Variants in PIGZ observed in about 807,000 individuals in gnomAD.
PIGZ encodes the protein GPI alpha-1,2-mannosyltransferase 4.
In PIGZ, 16 loss-of-function variants were observed where a neutral mutation model predicts 16.4. The ratio of observed to expected loss-of-function variants is 0.97; its 90% CI spans 0.66 to 1.48. The LOEUF (loss-of-function observed/expected upper bound fraction) is 1.48. Ranked by LOEUF, PIGZ falls within the 40% of genes most tolerant of loss-of-function variation. The probability of loss-of-function intolerance (pLI) is 0.00; values close to 1 mark genes in which losing one functional copy is unlikely to be tolerated. For synonymous variants in PIGZ, 409 were observed against 338.4 expected, an observed-to-expected ratio of 1.21 and a Z score of -2.29; for missense variants, 770 against 739.2, an observed-to-expected ratio of 1.04 and a Z score of -0.48.
intron 1 of PIGZ, among the ~76,000 whole-genome samples, chr3:196,966,075 G>A (rs754620524): frequency 4.6e-5 from 7 of 152,084 alleles, no homozygotes; most frequent in Non-Finnish European, 1.0e-4. Flanking sequence ...AGTAGAATTC[G>A]GTGCTCCAGA....
Position 196,956,382 on chromosome 3 carries a change from G to T in PIGZ, c.1-4351C>A, listed in dbSNP as rs112471191. ...GGCAAAAAGCGAATGAGAAGCAAACGAATGAGAAGCAAGCGAATGAGACGC... is the reference window on the plus strand; with the variant it reads ...GGCAAAAAGCGAATGAGAAGCAAACTAATGAGAAGCAAGCGAATGAGACGC... On this transcript the variant is annotated intron_variant, in intron 1 of 2. Transcript: ENST00000412723. 3.7e-3 allele frequency among the ~76,000 whole-genome samples: 556 copies of T among 152,274 alleles called. 7 individuals carry two copies. The highest frequency in any genetic ancestry group is 0.013 in the African/African-American group (540 of 41,536).
intron 1 of PIGZ, among the ~76,000 whole-genome samples, chr3:196,967,092 G>A (rs531996346): frequency 6.6e-6 from 1 of 151,574 alleles, no homozygotes; most frequent in South Asian, 2.1e-4. Flanking sequence ...CAGCCAAGCA[G>A]AAACCACTGT....
intron 1 of PIGZ, among the ~76,000 whole-genome samples, chr3:196,952,876 C>A (rs1406273922): frequency 6.6e-6 from 1 of 152,048 alleles, no homozygotes; most frequent in Non-Finnish European, 1.5e-5. Flanking sequence ...GGATAGCCAT[C>A]TTCTCCTGCC....
chr3:196,949,734 G>A (rs540181715), intron 2 of PIGZ, among the ~76,000 whole-genome samples: 15 of 152,224 alleles, frequency 9.9e-5, no homozygotes, highest in South Asian at 2.1e-4. Flanking sequence ...GGGCTTCCCC[G>A]GGAGATGAGG....
At chr3:196,956,672 T>C (rs1717502274) in intron 1 of PIGZ, among the ~76,000 whole-genome samples, 1 of 152,252 alleles carries the variant, frequency 6.6e-6, no homozygotes, top group African/African-American at 2.4e-5. Flanking sequence ...CTCTCTTGGC[T>C]ATATGTCGGG....
At chr3:196,966,202 G>A (rs892677178) in intron 1 of PIGZ, among the ~76,000 whole-genome samples, 1 of 152,166 alleles carries the variant, frequency 6.6e-6, no homozygotes, top group Non-Finnish European at 1.5e-5. Flanking sequence ...TAAGACCAGC[G>A]GTGGCATCAG....
chr3:196,951,337 G>A (rs1021343757), intron 2 of PIGZ, among the ~76,000 whole-genome samples: 2 of 152,176 alleles, frequency 1.3e-5, no homozygotes, highest in Non-Finnish European at 2.9e-5. Context: ...TGGGCGAGAC[G>A]GTATGGGCCA....
At position 196,947,734 on chromosome 3, in the gene PIGZ, T is replaced by C. The variant is rs1716969323; in HGVS notation, c.1163A>G (p.Glu388Gly). 3 of 1,612,804 alleles carry C rather than the reference T, an allele frequency of 1.9e-6. No individual in the cohort carries two copies. In the African/African-American group the frequency reaches 4.0e-5, roughly 22 times the overall value. The change falls in exon 3 of 3, where the codon GAG (glutamate) becomes GGG (glycine). Residue 388 changes from glutamate to glycine, a missense_variant. Transcript: ENST00000412723. ...LALLSAFSHQ[E>G]ARFLIPLLVP... ...CAGGAGGGGAATCAGGAACCGAGCC[T>C]CCTGGTGGCTAAAGGCAGATAGCAG...
chr3:196,967,809 C>T lies in PIGZ; in HGVS notation c.-1+878G>A, dbSNP rs543868696. ...AACGCAACACACAACATTAAACACA[C>T]ATAGAGAGTGAAAGAGAACAAGGCA... On this transcript the variant is annotated intron_variant, in intron 1 of 2. Transcript: ENST00000412723. Among the ~76,000 whole-genome samples, 5 of 152,302 alleles carry T rather than the reference C, an allele frequency of 3.3e-5. No individual in the cohort carries two copies. The South Asian group carries it at 1.0e-3, about 32-fold the overall frequency.
intron 2 of PIGZ, among the ~76,000 whole-genome samples, chr3:196,950,616 T>A (rs1717238515): frequency 6.6e-6 from 1 of 152,244 alleles, no homozygotes; most frequent in Non-Finnish European, 1.5e-5. Flanking sequence ...TGGCTGCTTT[T>A]CTGGTTAAAA....
chr3:196,954,966 C>T (rs2108907592), intron 1 of PIGZ, among the ~76,000 whole-genome samples: 1 of 151,896 alleles, frequency 6.6e-6, no homozygotes, highest in Middle Eastern at 3.4e-3. Context: ...CACTGCGTTG[C>T]CCAGTCTGGA....
In PIGZ at chr3:196,958,324, C is replaced by T. The variant is rs114537295; in HGVS notation, c.1-6293G>A. ...GGGAAAATGGAAATTACATGCAGTT[C>T]CTGTCACTCAAAAAAACACTGTTAG... On this transcript the variant is annotated intron_variant, in intron 1 of 2. Coordinates refer to ENST00000412723, the MANE Select transcript of PIGZ (RefSeq NM_025163.4). 3.0e-3 allele frequency among the ~76,000 whole-genome samples: 458 copies of T among 152,056 alleles called. 4 individuals are homozygous for T. The highest frequency in any genetic ancestry group is 0.011 in the African/African-American group (437 of 41,490).
At chr3:196,949,264 A>G (rs1560181983) in intron 2 of PIGZ, among the ~76,000 whole-genome samples, 1 of 151,958 alleles carries the variant, frequency 6.6e-6, no homozygotes. Context: ...TAGGTTACTT[A>G]TACAGGAGCA....
At chr3:196,957,722 C>T (rs1255355116) in intron 1 of PIGZ, among the ~76,000 whole-genome samples, 3 of 152,168 alleles carry the variant, frequency 2.0e-5, no homozygotes, top group Non-Finnish European at 4.4e-5. Context: ...ACGTGGCCCT[C>T]CAGAGTCACA....
chr3:196,951,950 G>C lies in PIGZ; in HGVS notation c.82C>G (p.Leu28Val), dbSNP rs1016281741. The change falls in exon 2 of 3, where the codon CTG (leucine) becomes GTG (valine). Residue 28 changes from leucine to valine, a missense_variant. Transcript: ENST00000412723. ...QVLGPVCWQQ[L>V]DLKMAVRVLW... ...ACCCTGACTGCCATCTTCAGATCCA[G>C]TTGTTGCCAACACACCGGGCCCAAA... 4 of 1,614,070 alleles carry C rather than the reference G, an allele frequency of 2.5e-6. No homozygotes were observed. The African/African-American group carries it at 5.3e-5, about 22-fold the overall frequency.
chr3:196,951,793 T>C (rs1441791121), intron 2 of PIGZ, 28 bp downstream of exon 2: 1 of 1,611,260 alleles, frequency 6.2e-7, no homozygotes, highest in East Asian at 2.2e-5. Context: ...TGCTGCAGCT[T>C]GTCTCAGCCA....
intron 1 of PIGZ, among the ~76,000 whole-genome samples, chr3:196,956,821 G>A (rs1472589733): frequency 6.6e-6 from 1 of 151,934 alleles, no homozygotes; most frequent in Non-Finnish European, 1.5e-5. Flanking sequence ...ACATCTGCTT[G>A]CTCTTTTGTG....
At chr3:196,951,772 C>T in intron 2 of PIGZ, 49 bp downstream of exon 2, 1 of 1,588,944 alleles carries the variant, frequency 6.3e-7, no homozygotes, top group Non-Finnish European at 8.6e-7. Context: ...GTCAGCTTCT[C>T]AAGCAGACTC....
rs75314175 is a variant in PIGZ at position 196,948,448 on chromosome 3, G to A, written c.449C>T (p.Pro150Leu). 1.3e-3 allele frequency: 2,144 copies of A among 1,614,096 alleles called. 26 individuals carry two copies. The East Asian group carries it at 0.027, about 21-fold the overall frequency. ...GGCGTTCCAGCGATCCGCCCCCATC[G>A]GCGGGGCCAGGTGGTACACGGCCCC... ...LDGAVYHLAP[P>L]MGADRWNALA... The change falls in exon 3 of 3, where the codon CCG becomes CTG. Residue 150 changes from proline (P) to leucine (L), a missense_variant. By Grantham distance (98) the Pro-to-Leu change is moderately conservative. Coordinates refer to ENST00000412723, the MANE Select transcript of PIGZ (RefSeq NM_025163.4).
Sources: gnomAD v4.1 joint callset for allele counts (sites outside exome capture counted in the v4.1 genomes callset) on GRCh38, gnomAD v4.1.1 for gene constraint, MANE v1.5 for transcripts, NCBI Gene and HGNC (gene_info 2026-07-23, HGNC 2026-07-21) for gene names.